CASC3: variants seen among roughly 807,000 people sequenced by gnomAD.
CASC3 encodes CASC3 exon junction complex subunit.
A neutral mutation model predicts 80.5 loss-of-function variants in CASC3; 30 were observed. The ratio of observed to expected loss-of-function variants is 0.37; its 90% CI spans 0.28 to 0.51. The LOEUF (loss-of-function observed/expected upper bound fraction) is 0.51. Among genes scored for constraint, CASC3 ranks in the 20% least tolerant of loss-of-function variants. The probability of loss-of-function intolerance (pLI) is 0.94; values close to 1 mark genes in which losing one functional copy is unlikely to be tolerated. For synonymous variants in CASC3, 312 were observed against 333.6 expected (o/e 0.94, Z 0.70); for missense variants, 824 against 922.2 (o/e 0.89, Z 1.38).
intron 3 of CASC3, among the ~76,000 whole-genome samples, chr17:40,157,017 T>C (rs1220468145): frequency 6.6e-6 from 1 of 151,690 alleles, no homozygotes; most frequent in South Asian, 2.1e-4. Context: ...CACTCTACCC[T>C]GAGTGATACA....
Position 40,163,869 on chromosome 17 carries a change from C to G in CASC3, c.1174C>G (p.Pro392Ala). 1 of 1,614,152 alleles carries G rather than the reference C, an allele frequency of 6.2e-7. No homozygotes were observed. The highest frequency in any genetic ancestry group is 8.5e-7 in the Non-Finnish European group (1 of 1,180,022). The change falls in exon 7 of 14, where the codon CCA becomes GCA. Residue 392 changes from proline (P) to alanine (A), a missense_variant. Around this residue, in one of 3 missense-constraint regions of CASC3, gnomAD observed 464 missense variants for 506.0 expected, o/e 0.92. Transcript: ENST00000264645. ...EPPAAAPDAA[P>A]PPPDRPIEKK... The stretch of plus-strand genomic sequence containing the variant: ...ACCAGCTGCTGCTCCTGATGCTGCA[C>G]CACCACCCCCTGATAGGCCCATTGA...
Position 40,140,654 on chromosome 17 carries a change from T to G in CASC3, c.106T>G (p.Cys36Gly), listed in dbSNP as rs1371217301. 2 of 1,607,268 alleles carry G rather than the reference T, an allele frequency of 1.2e-6. No homozygotes were observed. Among genetic ancestry groups the G allele is most frequent in the Non-Finnish European group, 1.7e-6 (2 of 1,178,270 alleles). Residue 36 changes from cysteine to glycine, a missense_variant, in exon 1 of 14, where the codon TGC becomes GGC. By Grantham distance (159) the Cys-to-Gly change is radical (BLOSUM62 -3). Coordinates refer to ENST00000264645, the MANE Select transcript of CASC3 (RefSeq NM_007359.5). ...GGSPLRGGGSCSGSAGGGGSG... is the reference protein window; with the variant it reads ...GGSPLRGGGSGSGSAGGGGSG... ...CTCCCCGTTGCGGGGAGGCGGGAGC[T>G]GCAGCGGTAGCGCCGGAGGCGGCGG... is the stretch of plus-strand genomic sequence containing the variant.
intron 8 of CASC3, 134 bp downstream of exon 8, chr17:40,166,995 G>C: frequency 1.5e-6 from 1 of 645,920 alleles, no homozygotes; most frequent in South Asian, 2.4e-5. Context: ...GTCTCGCTCT[G>C]TTGCCCAGGC....
chr17:40,171,131 A>G lies in CASC3; in HGVS notation c.*726A>G, dbSNP rs1567686524. Reference sequence around the variant, plus strand: ...GCAGAAAAGCTCAGAGTAGGTGGGTAGGAGCCCTTCTCTTTGACTTAGGTT... The same window carrying G: ...GCAGAAAAGCTCAGAGTAGGTGGGTGGGAGCCCTTCTCTTTGACTTAGGTT... On this transcript the variant is annotated 3_prime_UTR_variant, in exon 14 of 14. Coordinates refer to ENST00000264645, the MANE Select transcript of CASC3 (RefSeq NM_007359.5). 1 of 985,982 alleles carries G rather than the reference A, an allele frequency of 1.0e-6. No homozygotes were observed. Among genetic ancestry groups the G allele is most frequent in the Non-Finnish European group, 1.2e-6 (1 of 830,000 alleles). The allele number at this position is 985,982 out of a possible 1,614,324, so 61.1% of individuals were successfully genotyped here.
rs1379583231 is a variant in CASC3, at chr17:40,163,572, C to T, written c.877C>T (p.Pro293Ser). The T allele has an allele frequency of 6.2e-7, 1 of 1,614,142 alleles. No individual in the cohort carries two copies. Among genetic ancestry groups the T allele is most frequent in the Non-Finnish European group, 8.5e-7 (1 of 1,180,034 alleles). The change falls in exon 7 of 14, where the codon CCA becomes TCA. Residue 293 changes from proline (P) to serine (S), a missense_variant. Transcript: ENST00000264645. ...CCAGGGTCTTGGGGGCACCCTACCA[C>T]CAAGGACATTTATTAACAGGAATGC... Reference protein sequence around the residue: ...RHQGLGGTLPPRTFINRNAAG... With the variant: ...RHQGLGGTLPSRTFINRNAAG...
chr17:40,162,758 T>A lies in CASC3; in HGVS notation c.642T>A (p.Asp214Glu). 1 of 1,614,002 alleles carries A rather than the reference T, an allele frequency of 6.2e-7. No individual in the cohort carries two copies. The highest frequency in any genetic ancestry group is 8.5e-7 in the Non-Finnish European group (1 of 1,180,002). ...GGCGTCAGCGAAAGCTATGGAAGGA[T>A]GAGGGTCGCTGGGAGCATGACAAGT... Reference protein sequence around the residue: ...PKGRQRKLWKDEGRWEHDKFR... With the variant: ...PKGRQRKLWKEEGRWEHDKFR... Residue 214 changes from aspartate to glutamate, a missense_variant, in exon 6 of 14, where the codon GAT becomes GAA. By Grantham distance (45) the Asp-to-Glu change is conservative. Transcript: ENST00000264645.
At chr17:40,157,234 A>G (rs564531436) in intron 3 of CASC3, among the ~76,000 whole-genome samples, 1 of 152,008 alleles carries the variant, frequency 6.6e-6, no homozygotes, top group Admixed American at 6.6e-5. Flanking sequence ...AGTCCCAGCT[A>G]CTCGGGAGGC....
At chr17:40,167,703 C>T in intron 9 of CASC3, 91 bp downstream of exon 9, 6 of 1,251,022 alleles carry the variant, frequency 4.8e-6, no homozygotes, top group Non-Finnish European at 7.0e-6. Flanking sequence ...TCTCTTCTGA[C>T]CTCTTATAGT....
rs147162536 is a variant in CASC3, at chr17:40,163,340, G to A, written c.786-141G>A. On this transcript the variant is annotated intron_variant, in intron 6 of 13. Coordinates refer to ENST00000264645, the MANE Select transcript of CASC3 (RefSeq NM_007359.5). The stretch of plus-strand genomic sequence containing the variant: ...AGTAGAAATGAGGTTTCGCTATGTT[G>A]GCCAGGCTGGTCTTGAACTCCTGGC... 1,177 of 666,030 alleles carry A rather than the reference G, an allele frequency of 1.8e-3. 13 individuals carry two copies. The African/African-American group carries it at 0.02, about 11-fold the overall frequency. 41.3% of individuals were successfully genotyped at this position (666,030 alleles called of 1,614,324 possible). A position where few individuals can be genotyped will look rare whatever the true frequency, so the allele number is the denominator to read the frequency against.
chr17:40,168,986 C>G (rs763245202), intron 11 of CASC3: 40 of 237,226 alleles, frequency 1.7e-4, no homozygotes, highest in Admixed American at 2.6e-4. Context: ...CTGTATTCTA[C>G]TCCTTATCAC....
intron 3 of CASC3, among the ~76,000 whole-genome samples, chr17:40,151,919 C>T (rs949264329): frequency 6.6e-6 from 1 of 152,072 alleles, no homozygotes; most frequent in African/African-American, 2.4e-5. Context: ...CTTTCTGCCT[C>T]CCCACCCCAG....
At chr17:40,144,464 C>A (rs1175690039) in intron 3 of CASC3, among the ~76,000 whole-genome samples, 1 of 150,834 alleles carries the variant, frequency 6.6e-6, no homozygotes, top group Non-Finnish European at 1.5e-5. Context: ...CCTGTCTCAG[C>A]TTCCCAAGTA....
At chr17:40,168,531 T>A in intron 11 of CASC3, 114 bp downstream of exon 11, 1 of 920,806 alleles carries the variant, frequency 1.1e-6, no homozygotes, top group Non-Finnish European at 1.6e-6. Context: ...TGCCACTGAT[T>A]TGTATGTGAC....
intron 3 of CASC3, among the ~76,000 whole-genome samples, chr17:40,156,702 T>G: frequency 6.6e-6 from 1 of 150,956 alleles, no homozygotes; most frequent in Non-Finnish European, 1.5e-5. Context: ...AAAAAAAAAT[T>G]AAAAAAATAA....
At position 40,155,576 on chromosome 17, in the gene CASC3, G is replaced by GCC. The variant is rs1989126934; in HGVS notation, c.298-6175_298-6174dup. Among the ~76,000 whole-genome samples the GCC allele has an allele frequency of 2.0e-5, 3 of 152,326 alleles. No homozygotes were observed. In the South Asian group the frequency reaches 6.2e-4, roughly 32 times the overall value. ...GCTAAAGTCTTCCTGTCAACGACAGGCCCGTGGCCTCGGAGGAGCCGGGGT... is the reference window on the plus strand; with the variant it reads ...GCTAAAGTCTTCCTGTCAACGACAGGCCCCCGTGGCCTCGGAGGAGCCGGGGT... On this transcript the variant is annotated intron_variant, in intron 3 of 13. Coordinates refer to ENST00000264645, the MANE Select transcript of CASC3 (RefSeq NM_007359.5).
chr17:40,167,759 T>C (rs1567685069), intron 9 of CASC3, 91 bp from the exon 10 acceptor site: 2 of 1,335,836 alleles, frequency 1.5e-6, no homozygotes, highest in Non-Finnish European at 2.1e-6. Flanking sequence ...CATGGAATAT[T>C]GAGAACATCT....
chr17:40,140,573 G>A lies in CASC3; in HGVS notation c.25G>A (p.Ala9Thr). 6.2e-7 allele frequency: 1 copy of A among 1,608,780 alleles called. No homozygotes were observed. Among genetic ancestry groups the A allele is most frequent in the Non-Finnish European group, 8.5e-7 (1 of 1,179,522 alleles). The change falls in exon 1 of 14, where the codon GCT (alanine) becomes ACT (threonine). Residue 9 changes from alanine (A) to threonine (T), a missense_variant. Physicochemically the swap from Ala to Thr is moderately conservative, Grantham distance 58. This residue lies in a region of CASC3 where 159 missense variants were observed against 122.2 expected (regional missense o/e 1.30). Coordinates refer to ENST00000264645, the MANE Select transcript of CASC3 (RefSeq NM_007359.5). ...GATGGCGGACCGGCGGCGGCAGCGC[G>A]CTTCGCAAGACACCGAGGACGAGGA... MADRRRQRASQDTEDEESG... is the reference protein window; with the variant it reads MADRRRQRTSQDTEDEESG...
intron 3 of CASC3, among the ~76,000 whole-genome samples, chr17:40,148,852 G>T (rs1416510515): frequency 1.3e-5 from 2 of 152,070 alleles, no homozygotes; most frequent in East Asian, 3.9e-4. Flanking sequence ...TGGGTCTTGG[G>T]GGATACCTGG....
chr17:40,160,465 TG>T (rs1315772595), intron 3 of CASC3, among the ~76,000 whole-genome samples: 3 of 151,428 alleles, frequency 2.0e-5, no homozygotes, highest in African/African-American at 4.9e-5. Context: ...ACTGCACTCC[TG>T]GGCAACAGAG....
Sources: gnomAD v4.1 joint callset for allele counts (sites outside exome capture counted in the v4.1 genomes callset) on GRCh38, gnomAD v4.1.1 for gene constraint, gnomAD v4.1.1 regional missense constraint, MANE v1.5 for transcripts, NCBI Gene and HGNC (gene_info 2026-07-23, HGNC 2026-07-21) for gene names.